Variants in ANKRD28 observed in about 807,000 individuals in gnomAD.
The protein encoded by ANKRD28 is ankyrin repeat domain 28, also known as serine/threonine-protein phosphatase 6 regulatory ankyrin repeat subunit A.
Under a neutral mutation model 126.5 loss-of-function variants are expected in ANKRD28, and 44 were observed. The ratio of observed to expected loss-of-function variants is 0.35; its 90% confidence interval spans 0.27 to 0.45. ANKRD28 has a LOEUF of 0.45. ANKRD28 is among the 20% of genes least tolerant of loss of function. ANKRD28 has a pLI of 1.00. For missense variants in ANKRD28, 1,110 were observed against 1,316.6 expected (o/e 0.84, Z 2.43); for synonymous variants, 442 against 468.5 (o/e 0.94, Z 0.73).
At chr3:15,708,885 C>T (rs1406070197) in intron 13 of ANKRD28, among the ~76,000 whole-genome samples, 1 of 152,162 alleles carries the variant, frequency 6.6e-6, no homozygotes, top group Non-Finnish European at 1.5e-5. Flanking sequence ...TTTCTTCTGA[C>T]ATACACCCTT....
At chr3:15,713,142 G>A (rs1167949975) in intron 10 of ANKRD28, among the ~76,000 whole-genome samples, 2 of 152,084 alleles carry the variant, frequency 1.3e-5, no homozygotes, top group Non-Finnish European at 2.9e-5. Context: ...CCCTGAGCTT[G>A]GCACAGCACA....
At chr3:15,764,902 T>A (rs575754620) in intron 3 of ANKRD28, among the ~76,000 whole-genome samples, 1 of 152,204 alleles carries the variant, frequency 6.6e-6, no homozygotes, top group Non-Finnish European at 1.5e-5. Context: ...TATATGATCA[T>A]GAAATCTGAT....
intron 3 of ANKRD28, among the ~76,000 whole-genome samples, chr3:15,760,208 GGA>G (rs892100896): frequency 4.6e-5 from 7 of 152,152 alleles, no homozygotes; most frequent in African/African-American, 1.7e-4. Context: ...GACGATAAGA[GGA>G]GAGAGAGGTT....
At chr3:15,746,933 G>A (rs964611970) in intron 4 of ANKRD28, among the ~76,000 whole-genome samples, 3 of 152,080 alleles carry the variant, frequency 2.0e-5, no homozygotes, top group African/African-American at 7.2e-5. Context: ...AGGAGGGTTG[G>A]ATATTTCCAG....
intron 4 of ANKRD28, among the ~76,000 whole-genome samples, chr3:15,748,511 A>C (rs1396200398): frequency 2.0e-5 from 3 of 152,214 alleles, no homozygotes; most frequent in African/African-American, 7.2e-5. Context: ...GGAGGCTAAA[A>C]ATAGAACCCC....
Position 15,751,798 on chromosome 3 carries a change from G to C in ANKRD28, c.303C>G (p.Asp101Glu). The C allele has an allele frequency of 6.3e-7, 1 of 1,586,170 alleles. No individual in the cohort carries two copies. The highest frequency in any genetic ancestry group is 8.6e-7 in the Non-Finnish European group (1 of 1,165,524). ...ILSGARVNAKDSKWLTPLHRA... is the reference protein window; with the variant it reads ...ILSGARVNAKESKWLTPLHRA... ...TGTGTAAAGGTGTCAACCATTTGCTGTCTTTGGCATTAACTCTAGCTCCTG... is the reference window on the plus strand; with the variant it reads ...TGTGTAAAGGTGTCAACCATTTGCTCTCTTTGGCATTAACTCTAGCTCCTG... Residue 101 changes from aspartate to glutamate, a missense_variant, in exon 4 of 28, where the codon GAC becomes GAG. Coordinates refer to ENST00000683139, the MANE Select transcript of ANKRD28 (RefSeq NM_001349278.2).
At chr3:15,858,230 C>G (rs1223364893) in intron 1 of ANKRD28, among the ~76,000 whole-genome samples, 1 of 152,134 alleles carries the variant, frequency 6.6e-6, no homozygotes, top group East Asian at 1.9e-4. Context: ...TAGGACAGAA[C>G]AGTTGTATAA....
At chr3:15,793,024 A>C (rs994920095) in intron 2 of ANKRD28, among the ~76,000 whole-genome samples, 2 of 152,308 alleles carry the variant, frequency 1.3e-5, no homozygotes, top group Admixed American at 6.5e-5. Flanking sequence ...ACTTATATCC[A>C]TTCTAAAAAT....
chr3:15,798,951 A>C (rs2060393219), upstream of ANKRD28, among the ~76,000 whole-genome samples: 1 of 152,160 alleles, frequency 6.6e-6, no homozygotes, highest in Admixed American at 6.6e-5. Context: ...TGTGCTGTAC[A>C]TTCTCATTTA....
chr3:15,839,494 A>G lies in ANKRD28; in HGVS notation c.27+19883T>C, dbSNP rs1279598749. On this transcript the variant is annotated intron_variant, in intron 1 of 27. Coordinates refer to the ANKRD28 transcript ENST00000399451. This position sits in a 1 kb window ranked among gnomAD's most constrained non-coding sequence, Gnocchi z 4.3. ...AAAACTATAATCACATTTCAGAATC[A>G]ATGTGGCTCAGATAGAGGGCTACTT... 6.6e-6 allele frequency among the ~76,000 whole-genome samples: 1 copy of G among 152,200 alleles called. No homozygotes were observed. Among genetic ancestry groups the G allele is most frequent in the Non-Finnish European group, 1.5e-5 (1 of 68,024 alleles).
intron 4 of ANKRD28, among the ~76,000 whole-genome samples, chr3:15,746,194 CTTTA>C (rs1221446854): frequency 6.6e-6 from 1 of 152,216 alleles, no homozygotes; most frequent in East Asian, 1.9e-4. Flanking sequence ...TTTGGATGCC[CTTTA>C]TTTCATTCTC....
chr3:15,749,160 G>T (rs987783632), intron 4 of ANKRD28, among the ~76,000 whole-genome samples: 1 of 141,404 alleles, frequency 7.1e-6, no homozygotes, highest in Admixed American at 7.1e-5. Flanking sequence ...CCGGACTGCG[G>T]ACTGCAGTGG....
Position 15,839,751 on chromosome 3 carries a change from T to C in ANKRD28, c.27+19626A>G, listed in dbSNP as rs1044670185. ...AGGGATGCAAGGATGGTTCAACACA[T>C]GCAATCAATTAATATGATACATCAT... is the stretch of plus-strand genomic sequence containing the variant. On this transcript the variant is annotated intron_variant, in intron 1 of 27. Coordinates refer to the ANKRD28 transcript ENST00000399451. This position sits in a 1 kb window ranked among gnomAD's most constrained non-coding sequence, Gnocchi z 4.3. 6.6e-5 allele frequency among the ~76,000 whole-genome samples: 10 copies of C among 152,064 alleles called. No homozygotes were observed. The highest frequency in any genetic ancestry group is 1.0e-4 in the Non-Finnish European group (7 of 68,020).
chr3:15,850,908 G>T (rs2061638311), intron 1 of ANKRD28, among the ~76,000 whole-genome samples: 1 of 152,176 alleles, frequency 6.6e-6, no homozygotes, highest in Admixed American at 6.5e-5. Flanking sequence ...CATCTGAAGT[G>T]GAGGCAGTCT....
intron 2 of ANKRD28, among the ~76,000 whole-genome samples, chr3:15,784,151 T>A (rs974441456): frequency 2.0e-5 from 3 of 151,902 alleles, no homozygotes; most frequent in Admixed American, 2.0e-4. Context: ...CAGCTGAACT[T>A]CTCTCTCAGA....
At chr3:15,706,164 A>T (rs2071354957) in intron 14 of ANKRD28, among the ~76,000 whole-genome samples, 1 of 151,998 alleles carries the variant, frequency 6.6e-6, no homozygotes, top group Non-Finnish European at 1.5e-5. Flanking sequence ...ATATGTATAC[A>T]TGTGCCACGT....
intron 1 of ANKRD28, among the ~76,000 whole-genome samples, chr3:15,852,832 C>CAAAAAAA (rs71064237): frequency 4.7e-5 from 3 of 63,998 alleles, no homozygotes; most frequent in South Asian, 8.2e-4. Context: ...GACTCTGTCT[C>CAAAAAAA]AAAAAAAAAA....
At chr3:15,695,323 T>C in intron 15 of ANKRD28, 109 bp from the exon 16 acceptor site, 1 of 774,802 alleles carries the variant, frequency 1.3e-6, no homozygotes, top group Non-Finnish European at 2.1e-6. Context: ...CGTGCTTCCT[T>C]TGGCTCCAAA....
intron 18 of ANKRD28, 116 bp downstream of exon 18, chr3:15,689,902 TG>T: frequency 1.1e-6 from 1 of 904,950 alleles, no homozygotes. Context: ...ATATATGATT[TG>T]AAAAAAAAAA....
Sources: allele counts gnomAD v4.1 joint callset (sites outside exome capture counted in the v4.1 genomes callset), GRCh38; gene constraint gnomAD v4.1.1; non-coding constraint Gnocchi (gnomAD v3.1); transcripts MANE v1.5; gene names NCBI Gene and HGNC (gene_info 2026-07-23, HGNC 2026-07-21).